Variants in DCDC1 observed in about 807,000 individuals in gnomAD.
The protein encoded by DCDC1 is doublecortin domain-containing protein 1.
In DCDC1, 200 loss-of-function variants were observed where a neutral mutation model predicts 178.3. That is an observed-to-expected ratio of 1.12 (90% confidence interval 1.00 to 1.26). DCDC1 has a LOEUF of 1.26. Among genes scored for constraint, DCDC1 ranks in the 50% most tolerant of loss-of-function variants. The pLI, the probability that DCDC1 is intolerant of heterozygous loss-of-function variation, is 0.00. For synonymous variants in DCDC1, 690 were observed against 604.8 expected, an observed-to-expected ratio of 1.14 and a Z score of -2.07; for missense variants, 1,983 against 1,749.2, an observed-to-expected ratio of 1.13 and a Z score of -2.38.
chr11:31,161,298 G>T (rs1457544165), intron 9 of DCDC1, among the ~76,000 whole-genome samples: 1 of 152,136 alleles, frequency 6.6e-6, no homozygotes, highest in Non-Finnish European at 1.5e-5. Flanking sequence ...GCCTCATCAG[G>T]AACAGCAGGG....
At chr11:31,161,823 G>A (rs1177868172) in intron 9 of DCDC1, among the ~76,000 whole-genome samples, 1 of 152,196 alleles carries the variant, frequency 6.6e-6, no homozygotes, top group African/African-American at 2.4e-5. Flanking sequence ...AGTACAAGTA[G>A]TGGTACTGTT....
chr11:31,089,478 A>ATTT (rs954013647), intron 17 of DCDC1, among the ~76,000 whole-genome samples: 11 of 151,986 alleles, frequency 7.2e-5, no homozygotes, highest in Admixed American at 7.2e-4. Context: ...ATAGCTCTCA[A>ATTT]TTTTGCACAT....
In DCDC1 at chr11:31,292,871, GA is replaced by G. The variant is rs1171139353; in HGVS notation, c.755-2020del. ...GGAAAAAAAAAAATCTCTCACAGGGGAAAAAAAAATATGAATGAATTATTGT... is the reference window on the plus strand; with the variant it reads ...GGAAAAAAAAAAATCTCTCACAGGGGAAAAAAAATATGAATGAATTATTGT... On this transcript the variant is annotated intron_variant, in intron 6 of 38. Transcript: ENST00000684477. 4.0e-5 allele frequency among the ~76,000 whole-genome samples: 6 copies of G among 150,712 alleles called. No homozygotes were observed. The South Asian group carries it at 6.3e-4, about 16-fold the overall frequency.
intron 9 of DCDC1, among the ~76,000 whole-genome samples, chr11:31,190,909 C>G (rs1037745220): frequency 2.0e-5 from 3 of 152,000 alleles, no homozygotes; most frequent in Non-Finnish European, 4.4e-5. Context: ...ACTCTACACA[C>G]AGTCATCCCT....
chr11:31,142,225 C>T (rs959105731), intron 9 of DCDC1, among the ~76,000 whole-genome samples: 1 of 152,052 alleles, frequency 6.6e-6, no homozygotes, highest in Non-Finnish European at 1.5e-5. Context: ...TAAGAGTGGC[C>T]ACACAAAAAA....
intron 31 of DCDC1, chr11:30,903,891 CA>C (rs1271048904): frequency 8.0e-6 from 3 of 376,196 alleles, no homozygotes; most frequent in African/African-American, 6.2e-5. Flanking sequence ...TAGTCCAATC[CA>C]GCTGTAAATT....
chr11:30,999,790 T>C (rs1951470921), intron 20 of DCDC1, among the ~76,000 whole-genome samples: 1 of 152,126 alleles, frequency 6.6e-6, no homozygotes, highest in South Asian at 2.1e-4. Flanking sequence ...ATATTTTTAA[T>C]GTAAAATATA....
At chr11:31,213,383 G>A (rs917012484) in intron 9 of DCDC1, among the ~76,000 whole-genome samples, 1 of 151,764 alleles carries the variant, frequency 6.6e-6, no homozygotes, top group Admixed American at 6.6e-5. Context: ...AACATCTAAA[G>A]TAGGAGTATT....
At chr11:31,337,648 G>A (rs1950338207) in intron 1 of DCDC1, among the ~76,000 whole-genome samples, 1 of 140,264 alleles carries the variant, frequency 7.1e-6, no homozygotes, top group Non-Finnish European at 1.5e-5. Flanking sequence ...CTGGGTGAGT[G>A]AGACCCTGTC....
At chr11:30,907,539 A>G (rs1945149276) in intron 29 of DCDC1, among the ~76,000 whole-genome samples, 1 of 152,176 alleles carries the variant, frequency 6.6e-6, no homozygotes, top group Non-Finnish European at 1.5e-5. Flanking sequence ...TGCACATCAG[A>G]GCTTATTCTC....
intron 18 of DCDC1, among the ~76,000 whole-genome samples, chr11:31,074,927 T>C (rs962378429): frequency 6.6e-5 from 10 of 152,178 alleles, no homozygotes; most frequent in African/African-American, 2.4e-4. Flanking sequence ...TGTATACATT[T>C]AAGAAGCACA....
intron 20 of DCDC1, among the ~76,000 whole-genome samples, chr11:30,957,527 A>G (rs995060125): frequency 1.3e-5 from 2 of 152,152 alleles, no homozygotes; most frequent in Non-Finnish European, 2.9e-5. Context: ...ACCCAATTGT[A>G]CTAAAGTTAT....
chr11:30,904,430 G>A lies in DCDC1; in HGVS notation c.4308+531C>T, dbSNP rs563498462. The A allele has an allele frequency of 5.7e-5, 9 of 159,150 alleles. 1 individual carries two copies. The South Asian group carries it at 1.6e-3, about 29-fold the overall frequency. 9.9% of individuals were successfully genotyped at this position (159,150 alleles called of 1,614,324 possible). On this transcript the variant is annotated intron_variant, in intron 31 of 38. Transcript: ENST00000684477. ...TAGTGCAAGGACAAAGCTGGGTTTG[G>A]GCCTTCTAGCTTCTTCTCTCTTCCT...
rs1283192846 is a variant in DCDC1, at chr11:30,906,705, A to G, written c.3939T>C (p.Pro1313=). 1.9e-6 allele frequency: 3 copies of G among 1,613,398 alleles called. No homozygotes were observed. Among genetic ancestry groups the G allele is most frequent in the East Asian group, 2.2e-5 (1 of 44,844 alleles). ...IDQPGYCYLS[P]DGKRKTMLCL... ...AGAGCATAGTTTTTCTCTTTCCATC[A>G]GGTGAGAGATAACAGTATCCCTAAA... The change falls in exon 30 of 39, where the codon CCT becomes CCC. Residue 1313 remains proline, a synonymous_variant. Coordinates refer to ENST00000684477, the MANE Select transcript of DCDC1 (RefSeq NM_001387274.1).
chr11:31,135,643 C>T (rs771585738), intron 10 of DCDC1, among the ~76,000 whole-genome samples: 13 of 152,112 alleles, frequency 8.5e-5, no homozygotes, highest in Non-Finnish European at 1.8e-4. Context: ...CACATATGAA[C>T]ATACACATAC....
intron 9 of DCDC1, among the ~76,000 whole-genome samples, chr11:31,165,373 CAGACTGG>C (rs1457142578): frequency 1.3e-5 from 2 of 152,128 alleles, no homozygotes; most frequent in South Asian, 4.1e-4. Flanking sequence ...CTCTGTCACC[CAGACTGG>C]AGTGCAGTGG....
At chr11:30,888,882 T>C (rs1401943594) in intron 36 of DCDC1, among the ~76,000 whole-genome samples, 2 of 152,224 alleles carry the variant, frequency 1.3e-5, no homozygotes, top group Non-Finnish European at 2.9e-5. Context: ...TCTATAATAA[T>C]TGCTCACCCA....
chr11:31,326,643 T>C (rs1949664522), intron 3 of DCDC1, among the ~76,000 whole-genome samples: 1 of 152,164 alleles, frequency 6.6e-6, no homozygotes, highest in African/African-American at 2.4e-5. Context: ...GGATCTCATA[T>C]ACTGCTAATA....
intron 20 of DCDC1, among the ~76,000 whole-genome samples, chr11:30,968,167 G>T (rs1175827145): frequency 1.3e-5 from 2 of 152,144 alleles, no homozygotes; most frequent in African/African-American, 4.8e-5. Flanking sequence ...CAGTGACACA[G>T]GTGATCAGGG....
Sources: gnomAD v4.1 joint callset for allele counts (sites outside exome capture counted in the v4.1 genomes callset) on GRCh38, gnomAD v4.1.1 for gene constraint, MANE v1.5 for transcripts, NCBI Gene and HGNC (gene_info 2026-07-23, HGNC 2026-07-21) for gene names.